The following SSR1 variants were observed in gnomAD, a reference collection of about 807,000 sequenced individuals.
SSR1 encodes the protein translocon-associated protein subunit alpha.
In SSR1, 13 loss-of-function variants were observed where a neutral mutation model predicts 36.1. The ratio of observed to expected loss-of-function variants is 0.36; its 90% confidence interval spans 0.23 to 0.57. The LOEUF (loss-of-function observed/expected upper bound fraction) is 0.57. Ranked by LOEUF, SSR1 falls within the 20% of genes least tolerant of loss-of-function variation. The pLI, the probability that SSR1 is intolerant of heterozygous loss-of-function variation, is 0.81. For missense variants in SSR1, 291 were observed against 338.5 expected, an observed-to-expected ratio of 0.86 and a Z score of 1.10; for synonymous variants, 113 against 118.9, an observed-to-expected ratio of 0.95 and a Z score of 0.32.
rs560875138 is a variant in SSR1 at position 7,307,619 on chromosome 6, G to T, written c.192+2298C>A. 3.9e-5 allele frequency among the ~76,000 whole-genome samples: 6 copies of T among 152,294 alleles called. No homozygotes were observed. In the East Asian group the frequency reaches 1.2e-3, roughly 29 times the overall value. ...TGCAGTGACACACTCATAGCTCACT[G>T]TAACACTGAACTTCTGGGCTCAAGT... On this transcript the variant is annotated intron_variant, in intron 2 of 7. Coordinates refer to ENST00000244763, the MANE Select transcript of SSR1 (RefSeq NM_003144.5).
intron 7 of SSR1, 120 bp from the exon 8 acceptor site, chr6:7,290,051 C>T: frequency 1.4e-6 from 1 of 692,064 alleles, no homozygotes; most frequent in Non-Finnish European, 2.2e-6. Flanking sequence ...TGGGTGAACA[C>T]CATCTAATAA....
chr6:7,297,152 G>A (rs138191774), intron 6 of SSR1: 16 of 329,222 alleles, frequency 4.9e-5, no homozygotes, highest in African/African-American at 1.8e-4. Flanking sequence ...CCCCGAAGGC[G>A]GAGGTTGCAG....
At position 7,284,728 on chromosome 6, in the gene SSR1, T is replaced by C. The variant is rs1235037713; in HGVS notation, c.*5136A>G. The C allele has an allele frequency of 2.7e-5, 4 of 150,838 alleles. No individual in the cohort carries two copies. Among genetic ancestry groups the C allele is most frequent in the Non-Finnish European group, 5.9e-5 (4 of 67,784 alleles). 9.3% of individuals were successfully genotyped at this position (150,838 alleles called of 1,614,324 possible). On this transcript the variant is annotated 3_prime_UTR_variant, in exon 8 of 8. Transcript: ENST00000244763. ...CATGAGCGTTTCCTTTTTTTTTTTT[T>C]CTCTTTTGCTAAGTAAAAAGTAGGT...
intron 3 of SSR1, 52 bp downstream of exon 3, chr6:7,303,498 T>A: frequency 2.3e-6 from 3 of 1,300,154 alleles, no homozygotes; most frequent in Non-Finnish European, 3.3e-6. Context: ...ATGAACAAGC[T>A]CATCGTTTTA....
intron 1 of SSR1, among the ~76,000 whole-genome samples, chr6:7,312,404 T>C (rs2714354): frequency 0.27 from 41,682 of 152,120 alleles, 5,759 homozygotes; most frequent in South Asian, 0.42. Flanking sequence ...TTCTTCAGTC[T>C]GCTTGGCAGC....
intron 2 of SSR1, among the ~76,000 whole-genome samples, chr6:7,305,920 G>A (rs4321870): frequency 0.46 from 70,638 of 152,016 alleles, 16,443 homozygotes; most frequent in East Asian, 0.57. Flanking sequence ...CAGCATGTAA[G>A]ATGTATAACG....
chr6:7,310,244 A>C (rs942631370), intron 1 of SSR1, among the ~76,000 whole-genome samples: 1 of 87,406 alleles, frequency 1.1e-5, no homozygotes, highest in Non-Finnish European at 2.4e-5. Context: ...TTTTTTTTTA[A>C]GAGTCAGGGT....
Position 7,294,188 on chromosome 6 carries a change from C to CAT in SSR1, c.793+1202_793+1203dup, listed in dbSNP as rs567435211. Among the ~76,000 whole-genome samples the CAT allele has an allele frequency of 1.1e-3, 162 of 151,276 alleles. 1 individual carries two copies. Among genetic ancestry groups the CAT allele is most frequent in the Middle Eastern group, 6.8e-3 (2 of 294 alleles). ...AACAGGTTTAATCTATCATGACATA[C>CAT]ATATATATATAAAATAATATTGTCT... On this transcript the variant is annotated intron_variant, in intron 7 of 7. Coordinates refer to ENST00000244763, the MANE Select transcript of SSR1 (RefSeq NM_003144.5).
At chr6:7,311,694 A>C (rs1758197499) in intron 1 of SSR1, among the ~76,000 whole-genome samples, 1 of 152,220 alleles carries the variant, frequency 6.6e-6, no homozygotes, top group African/African-American at 2.4e-5. Context: ...TTATTATTTT[A>C]ATGTTAACCA....
rs1265697941 is a variant in SSR1, at chr6:7,286,664, C to T, written c.*3200G>A. 6.6e-6 allele frequency: 1 copy of T among 152,144 alleles called. No homozygotes were observed. The highest frequency in any genetic ancestry group is 1.5e-5 in the Non-Finnish European group (1 of 68,042). 9.4% of individuals were successfully genotyped at this position (152,144 alleles called of 1,614,324 possible). A position where few individuals can be genotyped will look rare whatever the true frequency, so the allele number is the denominator to read the frequency against. On this transcript the variant is annotated 3_prime_UTR_variant, in exon 8 of 8. Coordinates refer to ENST00000244763, the MANE Select transcript of SSR1 (RefSeq NM_003144.5). ...GTGGCTCACGCCTGTAATCCCAGCA[C>T]ACTTTGGGAGGCCAAGGCAGGCGTA...
intron 7 of SSR1, among the ~76,000 whole-genome samples, chr6:7,292,026 G>A (rs550555015): frequency 5.9e-5 from 9 of 152,184 alleles, no homozygotes; most frequent in South Asian, 2.1e-4. Flanking sequence ...CCATGATCAC[G>A]TAACTGCACT....
intron 1 of SSR1, among the ~76,000 whole-genome samples, chr6:7,312,265 A>C (rs1561837315): frequency 6.6e-6 from 1 of 152,082 alleles, no homozygotes; most frequent in African/African-American, 2.4e-5. Flanking sequence ...GAAAGAATAA[A>C]TCTATGTATT....
chr6:7,312,797 C>G (rs921784587), intron 1 of SSR1, among the ~76,000 whole-genome samples: 6 of 152,214 alleles, frequency 3.9e-5, no homozygotes, highest in African/African-American at 1.4e-4. Context: ...CCTCGGCCGG[C>G]CACGAAGCAA....
intron 1 of SSR1, among the ~76,000 whole-genome samples, chr6:7,310,736 C>A (rs915879411): frequency 1.4e-4 from 21 of 152,002 alleles, no homozygotes; most frequent in Non-Finnish European, 3.1e-4. Flanking sequence ...TACAGAGAAA[C>A]CCCGCCTCTA....
chr6:7,312,766 G>A (rs188262299), intron 1 of SSR1, among the ~76,000 whole-genome samples: 1 of 152,328 alleles, frequency 6.6e-6, no homozygotes, highest in Non-Finnish European at 1.5e-5. Flanking sequence ...GAGGGTCCAG[G>A]GCAAGAGGAG....
intron 2 of SSR1, among the ~76,000 whole-genome samples, chr6:7,305,929 C>T (rs924720236): frequency 3.3e-5 from 5 of 152,270 alleles, no homozygotes; most frequent in East Asian, 1.9e-4. Context: ...AGATGTATAA[C>T]GCTTAGTATC....
chr6:7,300,251 A>G (rs1012555197), intron 4 of SSR1, among the ~76,000 whole-genome samples: 1 of 152,234 alleles, frequency 6.6e-6, no homozygotes, highest in East Asian at 1.9e-4. Context: ...ACACCAGGGT[A>G]ATGAAAAGGT....
chr6:7,308,120 T>G (rs1758110593), intron 2 of SSR1, among the ~76,000 whole-genome samples: 1 of 152,008 alleles, frequency 6.6e-6, no homozygotes, highest in African/African-American at 2.4e-5. Flanking sequence ...AGACGTGGAG[T>G]CTTAACATAA....
At chr6:7,299,911 T>C (rs1467521378) in intron 4 of SSR1, among the ~76,000 whole-genome samples, 1 of 152,210 alleles carries the variant, frequency 6.6e-6, no homozygotes, top group Non-Finnish European at 1.5e-5. Context: ...ACTGTAATTA[T>C]GTAAGTTTTA....
Sources: gnomAD v4.1 joint callset for allele counts (sites outside exome capture counted in the v4.1 genomes callset) on GRCh38, gnomAD v4.1.1 for gene constraint, MANE v1.5 for transcripts, NCBI Gene and HGNC (gene_info 2026-07-23, HGNC 2026-07-21) for gene names.